Variants in ADCY3 observed in about 807,000 individuals in gnomAD.
ADCY3 encodes adenylate cyclase type 3.
ADCY3 carries 70 observed loss-of-function variants against 119.4 expected under a neutral mutation model. That is an observed-to-expected ratio of 0.59 (90% CI 0.48 to 0.72). The LOEUF (loss-of-function observed/expected upper bound fraction) is 0.72, where lower values mean the gene tolerates loss of function less well. ADCY3 is among the 30% of genes least tolerant of loss of function. The pLI is 0.00. For missense variants in ADCY3, 1,238 were observed against 1,541.6 expected, an observed-to-expected ratio of 0.80 and a Z score of 3.30; for synonymous variants, 672 against 621.4, an observed-to-expected ratio of 1.08 and a Z score of -1.21.
intron 21 of ADCY3, 83 bp from the exon 22 acceptor site, chr2:24,820,197 C>G: frequency 6.2e-6 from 8 of 1,287,550 alleles, no homozygotes; most frequent in Non-Finnish European, 8.4e-6. Flanking sequence ...GTGGTTGGAG[C>G]CGAGCACTGA....
intron 2 of ADCY3, among the ~76,000 whole-genome samples, chr2:24,903,204 C>A (rs891189881): frequency 6.6e-6 from 1 of 151,866 alleles, no homozygotes; most frequent in Non-Finnish European, 1.5e-5. Flanking sequence ...GGGGGCAGCA[C>A]CCCTAACGCC....
chr2:24,912,569 ATG>A lies in ADCY3; in HGVS notation c.675+5742_675+5743del, dbSNP rs1436630372. ...AGCACGCATGTGTGTGTGTGTGTGC[ATG>A]TGTGTGTGTGTGTGCATGTGTGTGT... On this transcript the variant is annotated intron_variant, in intron 2 of 21. Coordinates refer to ENST00000679454, the MANE Select transcript of ADCY3 (RefSeq NM_004036.5). Among the ~76,000 whole-genome samples, 68 of 39,676 alleles carry A rather than the reference ATG, an allele frequency of 1.7e-3. 1 individual carries two copies. Among genetic ancestry groups the A allele is most frequent in the Middle Eastern group, 0.01 (1 of 96 alleles). The allele number at this position is 39,676 out of a possible 152,430, so 26.0% of individuals were successfully genotyped here. A position where few individuals can be genotyped will look rare whatever the true frequency, so the allele number is the denominator to read the frequency against.
At chr2:24,846,452 T>A (rs1671657271) in intron 3 of ADCY3, among the ~76,000 whole-genome samples, 1 of 152,230 alleles carries the variant, frequency 6.6e-6, no homozygotes. Context: ...AAAGAAGCCC[T>A]GCTAGATTTC....
chr2:24,901,779 TA>T (rs5829948), intron 2 of ADCY3, among the ~76,000 whole-genome samples: 182 of 128,504 alleles, frequency 1.4e-3, no homozygotes, highest in Non-Finnish European at 1.5e-3. Flanking sequence ...ACCTCATCTT[TA>T]AAAAAAAAAA....
intron 3 of ADCY3, among the ~76,000 whole-genome samples, chr2:24,852,718 C>T (rs916702825): frequency 6.6e-6 from 1 of 152,256 alleles, no homozygotes; most frequent in Non-Finnish European, 1.5e-5. Flanking sequence ...GGCCAGGAGC[C>T]GCTGCCCGAG....
rs1372090451 is a variant in ADCY3 at position 24,910,641 on chromosome 2, TATTTCCTTTC to T, written c.675+7662_675+7671del. Among the ~76,000 whole-genome samples the T allele has an allele frequency of 5.3e-5, 8 of 150,972 alleles. No homozygotes were observed. The East Asian group carries it at 1.6e-3, about 30-fold the overall frequency. On this transcript the variant is annotated intron_variant, in intron 2 of 21. Coordinates refer to ENST00000679454, the MANE Select transcript of ADCY3 (RefSeq NM_004036.5). ...ACACTTTATGCTAAATGCAATTTAATATTTCCTTTCTTTTCTTTTCTTTTTTTTTTTTTTT... is the reference window on the plus strand; with the variant it reads ...ACACTTTATGCTAAATGCAATTTAATTTTTCTTTTCTTTTTTTTTTTTTTT...
chr2:24,888,310 C>T (rs1234028019), intron 2 of ADCY3, among the ~76,000 whole-genome samples: 1 of 152,226 alleles, frequency 6.6e-6, no homozygotes, highest in Non-Finnish European at 1.5e-5. Flanking sequence ...GCTGCACATC[C>T]TGGCCCCAGG....
chr2:24,847,913 C>T (rs1166828693), intron 3 of ADCY3, among the ~76,000 whole-genome samples: 1 of 152,210 alleles, frequency 6.6e-6, no homozygotes, highest in African/African-American at 2.4e-5. Flanking sequence ...TTTCTCTGGT[C>T]AGTAATCCCG....
At chr2:24,833,181 G>A (rs1192189008) in intron 11 of ADCY3, among the ~76,000 whole-genome samples, 1 of 152,186 alleles carries the variant, frequency 6.6e-6, no homozygotes, top group Non-Finnish European at 1.5e-5. Flanking sequence ...TCACAACAGG[G>A]GACTCCTCTG....
intron 2 of ADCY3, among the ~76,000 whole-genome samples, chr2:24,908,311 G>A (rs1468781761): frequency 2.0e-5 from 3 of 151,588 alleles, no homozygotes; most frequent in Admixed American, 6.6e-5. Context: ...CAACAAGAGC[G>A]AAACTCCGTC....
At position 24,842,397 on chromosome 2, in the gene ADCY3, G is replaced by T; in HGVS notation, c.826-13C>A. ...GCATGAGGTTCTCCTGTGAGGGGCA[G>T]GAGAGGGTCAGAGGCAAAGGTAGGC... On this transcript the variant is annotated splice_polypyrimidine_tract_variant and intron_variant, in intron 3 of 21. Coordinates refer to ENST00000679454, the MANE Select transcript of ADCY3 (RefSeq NM_004036.5). The surrounding 1 kb of genome is among the most constrained non-coding windows in gnomAD (Gnocchi z 4.9). The T allele has an allele frequency of 6.2e-7, 1 of 1,614,094 alleles. No individual in the cohort carries two copies. The highest frequency in any genetic ancestry group is 2.2e-5 in the East Asian group (1 of 44,870).
At position 24,898,500 on chromosome 2, in the gene ADCY3, C is replaced by G. The variant is rs565268105; in HGVS notation, c.675+19813G>C. Among the ~76,000 whole-genome samples, 1 of 152,084 alleles carries G rather than the reference C, an allele frequency of 6.6e-6. No individual in the cohort carries two copies. Among genetic ancestry groups the G allele is most frequent in the South Asian group, 2.1e-4 (1 of 4,802 alleles). On this transcript the variant is annotated intron_variant, in intron 2 of 21. Coordinates refer to ENST00000679454, the MANE Select transcript of ADCY3 (RefSeq NM_004036.5). The surrounding 1 kb of genome is among the most constrained non-coding windows in gnomAD (Gnocchi z 4.3). ...AGTCAGGCGCCATCTCTCCTTTTTC[C>G]AAAAGGAAAAATGAGCCACACCACA...
intron 16 of ADCY3, 126 bp downstream of exon 16, chr2:24,825,919 A>G (rs1668554238): frequency 8.1e-6 from 7 of 867,632 alleles, no homozygotes; most frequent in Non-Finnish European, 1.3e-5. Flanking sequence ...GACCAGGCTC[A>G]CGTGTGGGGC....
chr2:24,830,559 G>A (rs1669346408), intron 13 of ADCY3, 150 bp downstream of exon 13: 2 of 625,674 alleles, frequency 3.2e-6, no homozygotes, highest in South Asian at 2.0e-5. Context: ...CTTCCACTAG[G>A]TGGGGATGAT....
rs1395429734 is a variant in ADCY3 at position 24,842,072 on chromosome 2, A to C, written c.956+182T>G. 6.6e-6 allele frequency among the ~76,000 whole-genome samples: 1 copy of C among 152,194 alleles called. No individual in the cohort carries two copies. The highest frequency in any genetic ancestry group is 2.4e-5 in the African/African-American group (1 of 41,438). On this transcript the variant is annotated intron_variant, in intron 4 of 21. Transcript: ENST00000679454. This position sits in a 1 kb window ranked among gnomAD's most constrained non-coding sequence, Gnocchi z 4.9. ...GATGGGGTTGGACCAAGCAGCCTAGAGCACACTGTAGCTTCAACATCTGCT... is the reference window on the plus strand; with the variant it reads ...GATGGGGTTGGACCAAGCAGCCTAGCGCACACTGTAGCTTCAACATCTGCT...
chr2:24,834,846 C>A lies in ADCY3; in HGVS notation c.1753G>T (p.Glu585Ter). ...GCCTCGTTGAGCAGCTGGTTGAGCT[C>A]GTGCTCATCTTCAGAGGCATCCACC... ...RVVDASEDEH[E>*]LNQLLNEALL... The change falls in exon 10 of 22, where the codon GAG (glutamate) becomes TAG (stop). Residue 585 changes from glutamate to a stop codon, truncating the protein, a stop_gained. Transcript: ENST00000679454. LOFTEE classifies it high-confidence loss of function. This position sits in a 1 kb window ranked among gnomAD's most constrained non-coding sequence, Gnocchi z 4.2. The A allele has an allele frequency of 6.2e-7, 1 of 1,613,854 alleles. No individual in the cohort carries two copies. The highest frequency in any genetic ancestry group is 8.5e-7 in the Non-Finnish European group (1 of 1,179,986).
intron 2 of ADCY3, chr2:24,877,945 T>A (rs762329992): frequency 2.1e-6 from 1 of 471,216 alleles, no homozygotes. Flanking sequence ...TTGAGAAGCC[T>A]GCTCTGGACA....
chr2:24,856,142 T>C (rs1672966392), intron 3 of ADCY3, among the ~76,000 whole-genome samples: 1 of 152,168 alleles, frequency 6.6e-6, no homozygotes, highest in Non-Finnish European at 1.5e-5. Context: ...GAGAGACCCA[T>C]AGTGCTCAGG....
chr2:24,868,093 T>G (rs933126251), intron 3 of ADCY3, among the ~76,000 whole-genome samples: 2 of 152,214 alleles, frequency 1.3e-5, no homozygotes, highest in African/African-American at 4.8e-5. Flanking sequence ...AAAATCAAGT[T>G]CCAAGAAATT....
Sources: allele counts gnomAD v4.1 joint callset (sites outside exome capture counted in the v4.1 genomes callset), GRCh38; gene constraint gnomAD v4.1.1; non-coding constraint Gnocchi (gnomAD v3.1); transcripts MANE v1.5; gene names NCBI Gene and HGNC (gene_info 2026-07-23, HGNC 2026-07-21).